SDK1: variants seen among roughly 807,000 people sequenced by gnomAD.
The protein encoded by SDK1 is protein sidekick-1.
SDK1 carries 157 observed loss-of-function variants against 245.5 expected under a neutral mutation model. The ratio of observed to expected loss-of-function variants is 0.64; its 90% confidence interval spans 0.56 to 0.73. The LOEUF is 0.73. Ranked by LOEUF, SDK1 falls within the 30% of genes least tolerant of loss-of-function variation. The pLI is 0.00. For synonymous variants in SDK1, 1,647 were observed against 1,278.5 expected, an observed-to-expected ratio of 1.29 and a Z score of -6.15; for missense variants, 3,583 against 3,002.3, an observed-to-expected ratio of 1.19 and a Z score of -4.52.
At chr7:3,914,618 C>G (rs776032058) in intron 5 of SDK1, among the ~76,000 whole-genome samples, 1 of 152,164 alleles carries the variant, frequency 6.6e-6, no homozygotes, top group African/African-American at 2.4e-5. Flanking sequence ...TGCATGTGCT[C>G]AGTCATCTTT....
intron 4 of SDK1, among the ~76,000 whole-genome samples, chr7:3,791,589 C>G (rs1206969138): frequency 6.6e-6 from 1 of 152,100 alleles, no homozygotes; most frequent in Non-Finnish European, 1.5e-5. Flanking sequence ...CAGGCAGAGA[C>G]CGAGTGGGAT....
At chr7:4,073,473 G>A (rs1209230315) in intron 20 of SDK1, among the ~76,000 whole-genome samples, 2 of 152,208 alleles carry the variant, frequency 1.3e-5, no homozygotes, top group African/African-American at 4.8e-5. Context: ...TGCTCTTCCT[G>A]AAGATGCTGG....
At chr7:3,551,266 C>T (rs573529502) in intron 1 of SDK1, among the ~76,000 whole-genome samples, 16 of 152,112 alleles carry the variant, frequency 1.1e-4, no homozygotes, top group African/African-American at 1.2e-4. Flanking sequence ...TGTGTCAGCA[C>T]CTCATGGATA....
chr7:3,716,135 C>G (rs944536496), intron 4 of SDK1, among the ~76,000 whole-genome samples: 3 of 146,050 alleles, frequency 2.1e-5, no homozygotes, highest in Non-Finnish European at 4.5e-5. Flanking sequence ...AAAAAATGAA[C>G]AGAGGCTCCT....
Position 3,750,818 on chromosome 7 carries a change from C to T in SDK1, c.714-70632C>T, listed in dbSNP as rs75927703. On this transcript the variant is annotated intron_variant, in intron 4 of 44. Transcript: ENST00000404826. The stretch of plus-strand genomic sequence containing the variant: ...AAATCTGATAGAGACAAATAGGATA[C>T]GACAATCTCTAATCCTGCCATGTCT... Among the ~76,000 whole-genome samples, 1,200 of 152,292 alleles carry T rather than the reference C, an allele frequency of 7.9e-3. 17 individuals are homozygous for T. The highest frequency in any genetic ancestry group is 0.027 in the African/African-American group (1,128 of 41,560).
intron 1 of SDK1, among the ~76,000 whole-genome samples, chr7:3,602,268 G>T (rs1266564926): frequency 6.6e-6 from 1 of 151,200 alleles, no homozygotes; most frequent in African/African-American, 2.4e-5. Context: ...CTTCCACAAT[G>T]GTTGAACTAG....
chr7:4,191,873 G>A (rs969521833), intron 35 of SDK1, among the ~76,000 whole-genome samples: 31 of 152,204 alleles, frequency 2.0e-4, no homozygotes, highest in African/African-American at 5.5e-4. Flanking sequence ...CGCGCGTCAC[G>A]CACAAAAGTG....
intron 10 of SDK1, among the ~76,000 whole-genome samples, chr7:3,969,033 A>G (rs6969705): frequency 0.44 from 66,314 of 151,722 alleles, 16,876 homozygotes; most frequent in African/African-American, 0.72. Context: ...ATCAGATCTC[A>G]TGAGAACTCC....
chr7:3,908,764 C>T (rs755788720), intron 5 of SDK1, among the ~76,000 whole-genome samples: 105 of 151,918 alleles, frequency 6.9e-4, no homozygotes, highest in Non-Finnish European at 1.3e-3. Flanking sequence ...CTGTGTCTCC[C>T]GGATGTCTAG....
Position 4,268,371 on chromosome 7 carries a change from A to G in SDK1, c.*2987A>G. 3 of 1,057,800 alleles carry G rather than the reference A, an allele frequency of 2.8e-6. No individual in the cohort carries two copies. Among genetic ancestry groups the G allele is most frequent in the Non-Finnish European group, 3.4e-6 (3 of 870,798 alleles). 65.5% of individuals were successfully genotyped at this position (1,057,800 alleles called of 1,614,324 possible). A position where few individuals can be genotyped will look rare whatever the true frequency, so the allele number is the denominator to read the frequency against. ...AGGCCACACCCCCTCGGCCTCCTGC[A>G]CGGCCACCTTCTGGGTGAATCGGTC... On this transcript the variant is annotated 3_prime_UTR_variant, in exon 45 of 45. Coordinates refer to ENST00000404826, the MANE Select transcript of SDK1 (RefSeq NM_152744.4).
intron 22 of SDK1, among the ~76,000 whole-genome samples, chr7:4,088,075 C>G (rs11977057): frequency 0.33 from 50,351 of 151,924 alleles, 10,554 homozygotes; most frequent in African/African-American, 0.6. Flanking sequence ...GATGAGACAT[C>G]AAGGTGTTGG....
rs1440332035 is a variant in SDK1, at chr7:4,154,430, C to T, written c.4626-4018C>T. Among the ~76,000 whole-genome samples, 5 of 152,164 alleles carry T rather than the reference C, an allele frequency of 3.3e-5. No homozygotes were observed. In the East Asian group the frequency reaches 9.7e-4, roughly 29 times the overall value. On this transcript the variant is annotated intron_variant, in intron 30 of 44. Coordinates refer to ENST00000404826, the MANE Select transcript of SDK1 (RefSeq NM_152744.4). Reference sequence around the variant, plus strand: ...TCTCAAAAATATCCCTAAATCTATCCAGCTTCTGAGTTTGTATGTGGAGAT... The same window carrying T: ...TCTCAAAAATATCCCTAAATCTATCTAGCTTCTGAGTTTGTATGTGGAGAT...
chr7:4,215,067 C>T (rs865786056), intron 38 of SDK1, among the ~76,000 whole-genome samples: 1 of 152,212 alleles, frequency 6.6e-6, no homozygotes. Context: ...GGGACCCTGG[C>T]GCTCGCCTGC....
intron 25 of SDK1, among the ~76,000 whole-genome samples, chr7:4,118,039 G>A (rs1357374092): frequency 6.6e-6 from 1 of 152,028 alleles, no homozygotes; most frequent in Admixed American, 6.6e-5. Context: ...TGTAACATTT[G>A]GTTCCAGAAA....
chr7:3,965,975 CTGGAGGG>C (rs1347327603), intron 9 of SDK1, among the ~76,000 whole-genome samples: 1 of 151,606 alleles, frequency 6.6e-6, no homozygotes, highest in Admixed American at 6.6e-5. Flanking sequence ...CCATGACGGG[CTGGAGGG>C]TGGAGGGATA....
At chr7:4,139,461 GTATATA>G (rs1482953580) in intron 28 of SDK1, among the ~76,000 whole-genome samples, 1 of 148,312 alleles carries the variant, frequency 6.7e-6, no homozygotes, top group Non-Finnish European at 1.5e-5. Flanking sequence ...GTGTGTATAT[GTATATA>G]TGTGTGTGTA....
chr7:4,023,411 A>G (rs1295587027), intron 17 of SDK1, among the ~76,000 whole-genome samples: 1 of 152,198 alleles, frequency 6.6e-6, no homozygotes, highest in Non-Finnish European at 1.5e-5. Flanking sequence ...GGTGAGAGGA[A>G]AGGTTGGTGC....
At chr7:3,839,953 G>C (rs1780117076) in intron 5 of SDK1, among the ~76,000 whole-genome samples, 3 of 152,300 alleles carry the variant, frequency 2.0e-5, no homozygotes, top group Middle Eastern at 3.4e-3. Flanking sequence ...TGAATTGAAG[G>C]AGAAGAAGGA....
rs560246031 is a variant in SDK1 at position 3,321,835 on chromosome 7, TTCTC to T, written c.298+19967_298+19970del. Among the ~76,000 whole-genome samples the T allele has an allele frequency of 4.1e-3, 502 of 121,770 alleles. 7 individuals carry two copies. Among genetic ancestry groups the T allele is most frequent in the South Asian group, 0.012 (44 of 3,604 alleles). 79.9% of individuals were successfully genotyped at this position (121,770 alleles called of 152,430 possible). On this transcript the variant is annotated intron_variant, in intron 1 of 44. Coordinates refer to ENST00000404826, the MANE Select transcript of SDK1 (RefSeq NM_152744.4). ...TTCCTTCCTTCCTTCCTTCCTCCTT[TTCTC>T]TCTCTCTCTCTCTCTTTCTCTCTTT...
Sources: allele counts gnomAD v4.1 joint callset (sites outside exome capture counted in the v4.1 genomes callset), GRCh38; gene constraint gnomAD v4.1.1; transcripts MANE v1.5; gene names NCBI Gene and HGNC (gene_info 2026-07-23, HGNC 2026-07-21).